RNF220: variants seen among roughly 807,000 people sequenced by gnomAD.
RNF220 encodes the protein ring finger protein 220.
A neutral mutation model predicts 67.1 loss-of-function variants in RNF220; 7 were observed. The observed-to-expected ratio is 0.10, with a 90% CI of 0.06 to 0.20. The LOEUF is 0.20. RNF220 is among the 10% of genes least tolerant of loss of function. RNF220 has a pLI of 1.00. For synonymous variants in RNF220, 270 were observed against 283.2 expected (o/e 0.95, Z 0.47); for missense variants, 565 against 740.3 (o/e 0.76, Z 2.75).
At chr1:44,632,179 A>C in intron 5 of RNF220, 164 bp from the exon 6 acceptor site, 1 of 1,573,172 alleles carries the variant, frequency 6.4e-7, no homozygotes, top group Non-Finnish European at 8.6e-7. Flanking sequence ...GAGCGGCCGG[A>C]GGAGCAGAGG....
chr1:44,631,803 TA>T (rs1644132896), intron 5 of RNF220: 3 of 684,710 alleles, frequency 4.4e-6, no homozygotes, highest in Non-Finnish European at 5.4e-6. Context: ...TCGCAGCCGC[TA>T]AAGATTGGGT....
chr1:44,454,754 C>T (rs1653015128), intron 2 of RNF220, among the ~76,000 whole-genome samples: 1 of 151,684 alleles, frequency 6.6e-6, no homozygotes, highest in Admixed American at 6.6e-5. Context: ...TACATATAAT[C>T]ATTTAACCAC....
chr1:44,467,195 T>A (rs1193023428), intron 2 of RNF220, among the ~76,000 whole-genome samples: 1 of 152,212 alleles, frequency 6.6e-6, no homozygotes, highest in Non-Finnish European at 1.5e-5. Flanking sequence ...CAACTTCTGC[T>A]AGCTTCAAAC....
At chr1:44,476,263 T>C (rs1282031857) in intron 2 of RNF220, among the ~76,000 whole-genome samples, 4 of 152,142 alleles carry the variant, frequency 2.6e-5, no homozygotes, top group Admixed American at 6.5e-5. Context: ...TGAGTAGTCA[T>C]GGTCTATTTC....
chr1:44,437,331 A>G (rs1343135937), intron 2 of RNF220, among the ~76,000 whole-genome samples: 2 of 152,234 alleles, frequency 1.3e-5, no homozygotes, highest in Non-Finnish European at 2.9e-5. Context: ...ATTCTGATTG[A>G]GGCCACTCTC....
At chr1:44,423,365 C>T (rs186615288) in intron 2 of RNF220, among the ~76,000 whole-genome samples, 2 of 152,304 alleles carry the variant, frequency 1.3e-5, no homozygotes, top group East Asian at 3.9e-4. Flanking sequence ...GGCCTGAGAC[C>T]TGACCTTGGA....
At chr1:44,516,242 C>G (rs943955222) in intron 2 of RNF220, among the ~76,000 whole-genome samples, 8 of 152,038 alleles carry the variant, frequency 5.3e-5, no homozygotes, top group African/African-American at 1.9e-4. Context: ...CATAGTCTAC[C>G]AAGGAGACAG....
intron 2 of RNF220, among the ~76,000 whole-genome samples, chr1:44,567,945 G>T (rs768731931): frequency 6.6e-6 from 1 of 152,010 alleles, no homozygotes; most frequent in Non-Finnish European, 1.5e-5. Context: ...TGACCCTCAG[G>T]CTCCTCAGAC....
At chr1:44,642,128 C>T (rs1644504634) in intron 8 of RNF220, among the ~76,000 whole-genome samples, 1 of 152,190 alleles carries the variant, frequency 6.6e-6, no homozygotes, top group Non-Finnish European at 1.5e-5. Context: ...AAACTTGGGA[C>T]CCTTGCAGCT....
chr1:44,546,138 C>A (rs116111477), intron 2 of RNF220, among the ~76,000 whole-genome samples: 165 of 152,272 alleles, frequency 1.1e-3, no homozygotes, highest in African/African-American at 3.6e-3. Flanking sequence ...CCCGAGATGA[C>A]TCACACTGCT....
chr1:44,641,123 C>CTG (rs951130608), intron 8 of RNF220, among the ~76,000 whole-genome samples: 1 of 152,024 alleles, frequency 6.6e-6, no homozygotes, highest in African/African-American at 2.4e-5. Context: ...AAACGTAGAC[C>CTG]TGTGTTTCAT....
At chr1:44,562,488 G>A (rs1663650654) in intron 2 of RNF220, among the ~76,000 whole-genome samples, 1 of 152,204 alleles carries the variant, frequency 6.6e-6, no homozygotes, top group South Asian at 2.1e-4. Context: ...ACTTTAACAA[G>A]CATCCATAGG....
chr1:44,444,327 T>A (rs992060418), intron 2 of RNF220, among the ~76,000 whole-genome samples: 1 of 152,188 alleles, frequency 6.6e-6, no homozygotes, highest in Non-Finnish European at 1.5e-5. Flanking sequence ...TTTGTACTGT[T>A]TGTGTTTTGC....
At chr1:44,426,481 C>T (rs1649785762) in intron 2 of RNF220, among the ~76,000 whole-genome samples, 1 of 152,134 alleles carries the variant, frequency 6.6e-6, no homozygotes, top group African/African-American at 2.4e-5. Flanking sequence ...AATCCCAGCA[C>T]TTTGGGAGGC....
chr1:44,586,324 T>C (rs757203181), intron 2 of RNF220, among the ~76,000 whole-genome samples: 8 of 152,006 alleles, frequency 5.3e-5, no homozygotes, highest in Non-Finnish European at 8.8e-5. Context: ...AAAGTTGACG[T>C]TCAAGAGGGT....
intron 2 of RNF220, 23 bp from the exon 3 acceptor site, chr1:44,614,142 G>C (rs370421439): frequency 3.7e-6 from 6 of 1,613,926 alleles, no homozygotes; most frequent in Non-Finnish European, 4.2e-6. Context: ...TTACGCGTCT[G>C]TCTGTTCTTC....
At chr1:44,601,225 T>C (rs1454122609) in intron 2 of RNF220, among the ~76,000 whole-genome samples, 1 of 152,040 alleles carries the variant, frequency 6.6e-6, no homozygotes, top group African/African-American at 2.4e-5. Flanking sequence ...GTAGTTACCA[T>C]AGAATGGTGG....
At chr1:44,631,533 G>C (rs923912757) in intron 5 of RNF220, among the ~76,000 whole-genome samples, 2 of 152,254 alleles carry the variant, frequency 1.3e-5, no homozygotes, top group Non-Finnish European at 2.9e-5. Context: ...GCCTATGGGA[G>C]CTCCAGGGGC....
rs1319126937 is a variant in RNF220, at chr1:44,578,098, A to T, written c.626-36067A>T. Among the ~76,000 whole-genome samples, 5 of 148,710 alleles carry T rather than the reference A, an allele frequency of 3.4e-5. No homozygotes were observed. The South Asian group carries it at 6.4e-4, about 19-fold the overall frequency. Reference sequence around the variant, plus strand: ...CTCAGATGATGGGTAGAATCTTCCAACCAGATGAATGCAACTGGGATTTTC... The same window carrying T: ...CTCAGATGATGGGTAGAATCTTCCATCCAGATGAATGCAACTGGGATTTTC... On this transcript the variant is annotated intron_variant, in intron 2 of 14. Coordinates refer to ENST00000361799, the MANE Select transcript of RNF220 (RefSeq NM_018150.4).
Sources: gnomAD v4.1 joint callset for allele counts (sites outside exome capture counted in the v4.1 genomes callset) on GRCh38, gnomAD v4.1.1 for gene constraint, MANE v1.5 for transcripts, NCBI Gene and HGNC (gene_info 2026-07-23, HGNC 2026-07-21) for gene names.